The following SDF2 variants were observed in gnomAD, a reference collection of about 807,000 sequenced individuals.
SDF2 encodes stromal cell-derived factor 2.
Under a neutral mutation model 20.5 loss-of-function variants are expected in SDF2, and 12 were observed. That is an observed-to-expected ratio of 0.58 (90% CI 0.37 to 0.95). The LOEUF (loss-of-function observed/expected upper bound fraction) is 0.95, where lower values mean the gene tolerates loss of function less well. Ranked by LOEUF, SDF2 falls within the 40% of genes least tolerant of loss-of-function variation. The pLI, the probability that SDF2 is intolerant of heterozygous loss-of-function variation, is 0.01. For synonymous variants in SDF2, 100 were observed against 101.0 expected (o/e 0.99, Z 0.06); for missense variants, 238 against 263.1 (o/e 0.90, Z 0.66).
At chr17:28,661,186 T>C (rs892445233) in intron 1 of SDF2, 2 of 453,710 alleles carry the variant, frequency 4.4e-6, no homozygotes, top group Admixed American at 2.4e-5. Context: ...GGGCCAAAGA[T>C]GGAAACTGAG....
intron 1 of SDF2, among the ~76,000 whole-genome samples, chr17:28,656,618 G>A (rs186817529): frequency 1.1e-4 from 17 of 152,086 alleles, no homozygotes; most frequent in Admixed American, 2.0e-4. Context: ...CTGTGTCCAC[G>A]TAATACTAGT....
At chr17:28,659,934 A>C (rs1272485551) in intron 1 of SDF2, among the ~76,000 whole-genome samples, 1 of 152,210 alleles carries the variant, frequency 6.6e-6, no homozygotes, top group Non-Finnish European at 1.5e-5. Context: ...ACACCACTGC[A>C]CTCCAGCCTG....
At chr17:28,651,597 T>C (rs1423739407) in intron 2 of SDF2, 1 of 152,226 alleles carries the variant, frequency 6.6e-6, no homozygotes, top group Non-Finnish European at 1.5e-5. Flanking sequence ...TTAAATGAGA[T>C]AGCAAATATT....
At chr17:28,660,760 T>C (rs955895507) in intron 1 of SDF2, 23 of 159,874 alleles carry the variant, frequency 1.4e-4, no homozygotes, top group Admixed American at 2.5e-4. Flanking sequence ...TGAACCAGAC[T>C]AGCCCACCTG....
At chr17:28,652,695 A>G (rs866092071) in intron 2 of SDF2, among the ~76,000 whole-genome samples, 32 of 152,204 alleles carry the variant, frequency 2.1e-4, no homozygotes, top group Middle Eastern at 3.2e-3. Context: ...CTTGGTTTTA[A>G]TATCATTCTC....
Position 28,648,812 on chromosome 17 carries a change from C to T in SDF2, c.*177G>A. ...GACCCACGCAAGTCTGGGAGAGTGA[C>T]TAGTTCAAATGTGCAGGGCTGAAGC... is the stretch of plus-strand genomic sequence containing the variant. On this transcript the variant is annotated 3_prime_UTR_variant, in exon 3 of 3. Transcript: ENST00000247020. 2 of 642,838 alleles carry T rather than the reference C, an allele frequency of 3.1e-6. No homozygotes were observed. The highest frequency in any genetic ancestry group is 2.7e-5 in the East Asian group (1 of 36,606). 39.8% of individuals were successfully genotyped at this position (642,838 alleles called of 1,614,324 possible).
At chr17:28,651,008 G>A (rs544050262) in intron 2 of SDF2, among the ~76,000 whole-genome samples, 77 of 151,926 alleles carry the variant, frequency 5.1e-4, no homozygotes, top group Non-Finnish European at 1.0e-3. Flanking sequence ...GGACTTAAAC[G>A]ATTCTCCCCA....
At position 28,648,987 on chromosome 17, in the gene SDF2, A is replaced by AT; in HGVS notation, c.*1dup. The AT allele has an allele frequency of 6.2e-7, 1 of 1,613,590 alleles. No homozygotes were observed. Among genetic ancestry groups the AT allele is most frequent in the South Asian group, 1.1e-5 (1 of 91,076 alleles). On this transcript the variant is annotated 3_prime_UTR_variant, in exon 3 of 3. Coordinates refer to ENST00000247020, the MANE Select transcript of SDF2 (RefSeq NM_006923.4). ...GTTAACAGTGGCTCAGAGCCTCTAG[A>AT]TTCACAGCTCTGCATGGTGGGCTTC...
chr17:28,661,968 G>A, upstream of SDF2: 1 of 1,439,998 alleles, frequency 6.9e-7, no homozygotes, highest in Non-Finnish European at 9.5e-7. Flanking sequence ...AGAGAAGGAA[G>A]TGAAGAAGCC....
In SDF2 at chr17:28,649,134, T is replaced by TC; in HGVS notation, c.490dup (p.Glu164GlyfsTer37). 1.2e-6 allele frequency: 2 copies of TC among 1,614,166 alleles called. No homozygotes were observed. The highest frequency in any genetic ancestry group is 1.7e-6 in the Non-Finnish European group (2 of 1,180,032). On this transcript the variant is annotated frameshift_variant, in exon 3 of 3. Transcript: ENST00000247020. LOFTEE classifies it high-confidence loss of function. ...CCCACTGATAGGTCGACCATATTGT[T>TC]CTCCTGTGACAGACAGCAGTACCTC...
Position 28,661,834 on chromosome 17 carries a change from CGCT to C in SDF2, c.40_42del (p.Ser14del). The C allele has an allele frequency of 6.2e-7, 1 of 1,614,082 alleles. No homozygotes were observed. Among genetic ancestry groups the C allele is most frequent in the East Asian group, 2.2e-5 (1 of 44,878 alleles). ...ACACCCAGGCTGGACGCTCCCACAG[CGCT>C]CCACAAACCCCCCAACAACAGCAGA... On this transcript the variant is annotated inframe_deletion, in exon 1 of 3. Transcript: ENST00000247020.
intron 1 of SDF2, among the ~76,000 whole-genome samples, chr17:28,660,263 C>CCA (rs2072012610): frequency 6.6e-6 from 1 of 152,132 alleles, no homozygotes; most frequent in African/African-American, 2.4e-5. Context: ...GAGAGGGAGA[C>CCA]GGAGAGGGCT....
intron 2 of SDF2, 98 bp from the exon 3 acceptor site, chr17:28,649,374 A>AT: frequency 8.7e-7 from 1 of 1,148,912 alleles, no homozygotes; most frequent in South Asian, 1.4e-5. Context: ...CTTGAAGTAA[A>AT]AAATCAGAGG....
At chr17:28,655,123 C>T (rs146541111) in intron 2 of SDF2, among the ~76,000 whole-genome samples, 164 bp downstream of exon 2, 212 of 152,290 alleles carry the variant, frequency 1.4e-3, no homozygotes, top group Middle Eastern at 0.01. Flanking sequence ...AGTGAGACTG[C>T]GTCTCAAAAA....
At chr17:28,656,639 T>C (rs1036273001) in intron 1 of SDF2, among the ~76,000 whole-genome samples, 9 of 152,148 alleles carry the variant, frequency 5.9e-5, no homozygotes, top group African/African-American at 1.9e-4. Context: ...TACTATATGA[T>C]AAAGTATACT....
At chr17:28,662,097 C>T (rs2072059971), upstream of SDF2, 1 of 452,822 alleles carries the variant, frequency 2.2e-6, no homozygotes, top group African/African-American at 2.0e-5. Context: ...TCCTGAGCCG[C>T]TTCGGTTACC....
chr17:28,655,163 T>C, intron 2 of SDF2, 124 bp downstream of exon 2: 1 of 905,530 alleles, frequency 1.1e-6, no homozygotes, highest in Non-Finnish European at 1.7e-6. Flanking sequence ...AATAGAGCCA[T>C]TTCCCCAGGT....
At chr17:28,659,719 GGGT>G (rs1340581454) in intron 1 of SDF2, among the ~76,000 whole-genome samples, 1 of 148,928 alleles carries the variant, frequency 6.7e-6, no homozygotes, top group East Asian at 2.0e-4. Flanking sequence ...TTCCCAGACG[GGGT>G]GGCGGCCGGG....
intron 2 of SDF2, among the ~76,000 whole-genome samples, chr17:28,652,794 G>C (rs1353948443): frequency 6.6e-6 from 1 of 152,156 alleles, no homozygotes; most frequent in Non-Finnish European, 1.5e-5. Context: ...GCATCTTTTG[G>C]TGCCAGAAAG....
Sources: allele counts gnomAD v4.1 joint callset (sites outside exome capture counted in the v4.1 genomes callset), GRCh38; gene constraint gnomAD v4.1.1; transcripts MANE v1.5; gene names NCBI Gene and HGNC (gene_info 2026-07-23, HGNC 2026-07-21).